Variants in ADCY2 observed in about 807,000 individuals in gnomAD.
The protein encoded by ADCY2 is adenylate cyclase 2.
In ADCY2, 31 loss-of-function variants were observed where a neutral mutation model predicts 125.2. The observed-to-expected ratio is 0.25, with a 90% CI of 0.19 to 0.33. ADCY2 has a LOEUF of 0.33. Among genes scored for constraint, ADCY2 ranks in the 10% least tolerant of loss-of-function variants. The probability of loss-of-function intolerance (pLI) is 1.00; values close to 1 mark genes in which losing one functional copy is unlikely to be tolerated. For synonymous variants in ADCY2, 512 were observed against 548.4 expected (o/e 0.93, Z 0.93); for missense variants, 904 against 1,418.2 (o/e 0.64, Z 5.82).
rs774029455 is a variant in ADCY2 at position 7,520,773 on chromosome 5, C to T, written c.444C>T (p.Tyr148=). The T allele has an allele frequency of 1.7e-5, 27 of 1,614,058 alleles. No homozygotes were observed. The highest frequency in any genetic ancestry group is 2.3e-5 in the Non-Finnish European group (27 of 1,180,052). ...SFFLFIIFVV[Y]TMLPFNMRDA... ...TCCTCTTCATCATCTTCGTGGTGTA[C>T]ACCATGCTGCCCTTCAACATGCGAG... The change falls in exon 3 of 25, where the codon TAC becomes TAT. Residue 148 remains tyrosine, a synonymous_variant. Coordinates refer to ENST00000338316, the MANE Select transcript of ADCY2 (RefSeq NM_020546.3).
intron 3 of ADCY2, among the ~76,000 whole-genome samples, chr5:7,554,078 A>G (rs1429675313): frequency 6.6e-6 from 1 of 152,210 alleles, no homozygotes; most frequent in Non-Finnish European, 1.5e-5. Context: ...AAAAAAGGGC[A>G]TTGGAGAAAA....
intron 2 of ADCY2, among the ~76,000 whole-genome samples, chr5:7,462,668 G>T (rs541241954): frequency 3.9e-5 from 6 of 152,326 alleles, no homozygotes; most frequent in Non-Finnish European, 5.9e-5. Flanking sequence ...TGTTAGGGTG[G>T]TGACATTATA....
intron 4 of ADCY2, among the ~76,000 whole-genome samples, chr5:7,672,414 A>G (rs1254386462): frequency 6.6e-6 from 1 of 152,176 alleles, no homozygotes; most frequent in African/African-American, 2.4e-5. Flanking sequence ...GGGAGTCATC[A>G]AACTACCGCC....
chr5:7,478,620 T>C (rs888520637), intron 2 of ADCY2, among the ~76,000 whole-genome samples: 1 of 152,194 alleles, frequency 6.6e-6, no homozygotes, highest in Non-Finnish European at 1.5e-5. Flanking sequence ...GTAAGGCTAA[T>C]CTTTGAAAGC....
In ADCY2 at chr5:7,769,481, G is replaced by T. The variant is rs182599728; in HGVS notation, c.2214+2675G>T. 1.1e-4 allele frequency among the ~76,000 whole-genome samples: 16 copies of T among 152,092 alleles called. No individual in the cohort carries two copies. The East Asian group carries it at 3.1e-3, about 29-fold the overall frequency. The stretch of plus-strand genomic sequence containing the variant: ...ACCAATAATAAGTAGCAAGAAAAAG[G>T]CTGGAAACACCTATACAAATAATGA... On this transcript the variant is annotated intron_variant, in intron 17 of 24. Transcript: ENST00000338316.
intron 2 of ADCY2, among the ~76,000 whole-genome samples, chr5:7,439,146 A>G (rs1351580110): frequency 1.3e-5 from 2 of 152,164 alleles, no homozygotes; most frequent in African/African-American, 2.4e-5. Context: ...TATTTTTAGA[A>G]AATCATTTTA....
intron 4 of ADCY2, among the ~76,000 whole-genome samples, chr5:7,646,378 T>C (rs958522939): frequency 6.6e-6 from 1 of 151,550 alleles, no homozygotes; most frequent in South Asian, 2.1e-4. Context: ...AAATAGTTTA[T>C]CTCACTGCTT....
Position 7,617,475 on chromosome 5 carries a change from T to G in ADCY2, c.571-8692T>G, listed in dbSNP as rs147015832. ...CCCAGTCTGTGGTATTTTATTATTA[T>G]TAGTAGTAGTAGTAGTAGTCATAAT... On this transcript the variant is annotated intron_variant, in intron 3 of 24. Coordinates refer to ENST00000338316, the MANE Select transcript of ADCY2 (RefSeq NM_020546.3). 4.4e-3 allele frequency among the ~76,000 whole-genome samples: 668 copies of G among 152,232 alleles called. 6 individuals carry two copies. Among genetic ancestry groups the G allele is most frequent in the East Asian group, 0.013 (69 of 5,174 alleles).
chr5:7,591,146 ACTAT>A (rs558709231), intron 3 of ADCY2, among the ~76,000 whole-genome samples: 2 of 152,192 alleles, frequency 1.3e-5, no homozygotes, highest in Non-Finnish European at 2.9e-5. Flanking sequence ...TCAGTTGATC[ACTAT>A]CTAAAGCGTG....
At chr5:7,562,169 G>C (rs1735729172) in intron 3 of ADCY2, among the ~76,000 whole-genome samples, 1 of 151,914 alleles carries the variant, frequency 6.6e-6, no homozygotes, top group Non-Finnish European at 1.5e-5. Flanking sequence ...CTTCTAACAA[G>C]TCAACTAGTT....
At chr5:7,630,741 T>C (rs931443580) in intron 4 of ADCY2, among the ~76,000 whole-genome samples, 3 of 151,834 alleles carry the variant, frequency 2.0e-5, no homozygotes, top group African/African-American at 7.3e-5. Context: ...ATATGTAAAG[T>C]CATGAGGGTA....
chr5:7,586,654 C>T (rs940755079), intron 3 of ADCY2, among the ~76,000 whole-genome samples: 3 of 152,058 alleles, frequency 2.0e-5, no homozygotes, highest in Non-Finnish European at 4.4e-5. Flanking sequence ...GGCAGCTCAC[C>T]GGCTGTCTTT....
chr5:7,535,876 C>A (rs1734795933), intron 3 of ADCY2, among the ~76,000 whole-genome samples: 1 of 152,216 alleles, frequency 6.6e-6, no homozygotes, highest in South Asian at 2.1e-4. Flanking sequence ...TCCAAGCAGC[C>A]CCCGCGATGT....
chr5:7,527,042 A>T (rs545899355), intron 3 of ADCY2, among the ~76,000 whole-genome samples: 1 of 152,244 alleles, frequency 6.6e-6, no homozygotes, highest in Admixed American at 6.5e-5. Context: ...CCATGATAGA[A>T]GCAAGGAGTC....
intron 3 of ADCY2, among the ~76,000 whole-genome samples, chr5:7,557,728 C>A (rs985506688): frequency 6.6e-5 from 10 of 152,296 alleles, no homozygotes; most frequent in African/African-American, 2.4e-4. Context: ...GCATAGTATT[C>A]CACAATGTAC....
intron 4 of ADCY2, among the ~76,000 whole-genome samples, chr5:7,666,655 A>T (rs1344139030): frequency 6.6e-6 from 1 of 152,172 alleles, no homozygotes; most frequent in Admixed American, 6.5e-5. Flanking sequence ...TAATGTCTGC[A>T]TTGGGACTTC....
chr5:7,633,173 G>A (rs1206554973), intron 4 of ADCY2, among the ~76,000 whole-genome samples: 1 of 151,936 alleles, frequency 6.6e-6, no homozygotes, highest in Non-Finnish European at 1.5e-5. Flanking sequence ...GCTCATGCCT[G>A]TAATCCCAGC....
intron 2 of ADCY2, among the ~76,000 whole-genome samples, chr5:7,518,348 G>A (rs947709196): frequency 2.0e-5 from 3 of 151,196 alleles, no homozygotes; most frequent in Admixed American, 6.6e-5. Flanking sequence ...CTTACTACAG[G>A]TCCCTCCAAA....
intron 3 of ADCY2, among the ~76,000 whole-genome samples, chr5:7,569,318 G>T (rs4404651): frequency 6.6e-6 from 1 of 151,894 alleles, no homozygotes; most frequent in Admixed American, 6.6e-5. Context: ...ACCTGCTAAG[G>T]GTGGGTTGAC....
Sources: gnomAD v4.1 joint callset for allele counts (sites outside exome capture counted in the v4.1 genomes callset) on GRCh38, gnomAD v4.1.1 for gene constraint, MANE v1.5 for transcripts, NCBI Gene and HGNC (gene_info 2026-07-23, HGNC 2026-07-21) for gene names.